Variants in RPS6KA2 observed in about 807,000 individuals in gnomAD.
RPS6KA2 encodes ribosomal protein S6 kinase alpha-2.
In RPS6KA2, 42 loss-of-function variants were observed where a neutral mutation model predicts 91.8. That is an observed-to-expected ratio of 0.46 (90% CI 0.36 to 0.59). The LOEUF (loss-of-function observed/expected upper bound fraction) is 0.59. Among genes scored for constraint, RPS6KA2 ranks in the 20% least tolerant of loss-of-function variants. RPS6KA2 has a pLI of 0.00. For synonymous variants in RPS6KA2, 414 were observed against 393.6 expected (o/e 1.05, Z -0.61); for missense variants, 798 against 978.5 (o/e 0.82, Z 2.46).
At chr6:166,413,687 GCT>G in intron 20 of RPS6KA2, 105 bp downstream of exon 20, 3 of 1,212,816 alleles carry the variant, frequency 2.5e-6, no homozygotes, top group Non-Finnish European at 3.5e-6. Flanking sequence ...GCTGCTATGG[GCT>G]CTTTCTCTGC....
intron 10 of RPS6KA2, among the ~76,000 whole-genome samples, chr6:166,483,076 G>A (rs536498298): frequency 6.6e-6 from 1 of 152,350 alleles, no homozygotes; most frequent in African/African-American, 2.4e-5. Context: ...CTCACAGCCT[G>A]AAGACTGCGG....
intron 1 of RPS6KA2, among the ~76,000 whole-genome samples, chr6:166,574,500 T>G (rs1295211174): frequency 2.0e-5 from 3 of 152,250 alleles, no homozygotes; most frequent in Non-Finnish European, 4.4e-5. Flanking sequence ...TCATTCTTTT[T>G]ATGGCTGTGT....
chr6:166,460,326 G>A (rs537315344), intron 11 of RPS6KA2, among the ~76,000 whole-genome samples: 1 of 152,358 alleles, frequency 6.6e-6, no homozygotes, highest in Admixed American at 6.5e-5. Context: ...GAGATGTGTT[G>A]TTTTCAATCC....
At chr6:166,579,457 G>A (rs1201358374) in intron 1 of RPS6KA2, among the ~76,000 whole-genome samples, 1 of 152,216 alleles carries the variant, frequency 6.6e-6, no homozygotes, top group East Asian at 1.9e-4. Flanking sequence ...TTCGGTGGTG[G>A]CAATTCTACT....
At chr6:166,460,449 A>C (rs1780237079) in intron 11 of RPS6KA2, among the ~76,000 whole-genome samples, 1 of 151,968 alleles carries the variant, frequency 6.6e-6, no homozygotes, top group Non-Finnish European at 1.5e-5. Context: ...GCTTAGATGG[A>C]GGGAGCCGGG....
chr6:166,555,065 G>A (rs1252311759), intron 1 of RPS6KA2, among the ~76,000 whole-genome samples: 3 of 152,198 alleles, frequency 2.0e-5, no homozygotes, highest in Non-Finnish European at 4.4e-5. Flanking sequence ...CACTGCAATA[G>A]CTTGAACCAG....
At position 166,531,210 on chromosome 6, in the gene RPS6KA2, C is replaced by A. The variant is rs1011593046; in HGVS notation, c.298+22G>T. 5.8e-6 allele frequency: 9 copies of A among 1,560,038 alleles called. No individual in the cohort carries two copies. The African/African-American group carries it at 1.1e-4, about 19-fold the overall frequency. On this transcript the variant is annotated intron_variant, in intron 3 of 20. Coordinates refer to ENST00000265678, the MANE Select transcript of RPS6KA2 (RefSeq NM_021135.6). ...TTGCAGTTACCTGTCTCTGAAGCAG[C>A]CGGCCCTTCCGAAGCTCTTACCTTT...
At position 166,498,658 on chromosome 6, in the gene RPS6KA2, C is replaced by T; in HGVS notation, c.605-8G>A. 1 of 1,613,586 alleles carries T rather than the reference C, an allele frequency of 6.2e-7. No individual in the cohort carries two copies. The highest frequency in any genetic ancestry group is 1.1e-5 in the South Asian group (1 of 91,020). On this transcript the variant is annotated splice_region_variant and splice_polypyrimidine_tract_variant and intron_variant, in intron 7 of 20. Coordinates refer to ENST00000265678, the MANE Select transcript of RPS6KA2 (RefSeq NM_021135.6). The stretch of plus-strand genomic sequence containing the variant: ...CCTTACTCAGGCCGAAATCTACATG[C>T]AAACACAGCACACACACTGCCTCAG...
At chr6:166,552,861 T>C (rs1199625501) in intron 1 of RPS6KA2, among the ~76,000 whole-genome samples, 1 of 152,228 alleles carries the variant, frequency 6.6e-6, no homozygotes, top group East Asian at 1.9e-4. Flanking sequence ...GATGGGCCGA[T>C]AACCACGCTG....
chr6:166,823,826 T>A (rs939905333), intron 2 of RPS6KA2, among the ~76,000 whole-genome samples: 2 of 152,194 alleles, frequency 1.3e-5, no homozygotes, highest in African/African-American at 4.8e-5. Context: ...TTTATCCCCA[T>A]TCAACTGGCA....
intron 10 of RPS6KA2, among the ~76,000 whole-genome samples, chr6:166,482,909 T>G (rs1781283211): frequency 6.6e-6 from 1 of 152,086 alleles, no homozygotes; most frequent in Non-Finnish European, 1.5e-5. Flanking sequence ...ATAAAGCAAA[T>G]GTGGGGGATC....
intron 6 of RPS6KA2, among the ~76,000 whole-genome samples, chr6:166,502,002 G>A (rs1227210189): frequency 6.6e-6 from 1 of 152,220 alleles, no homozygotes; most frequent in Non-Finnish European, 1.5e-5. Flanking sequence ...AATATAAAAT[G>A]TATGGTCCCT....
At chr6:166,544,287 A>T (rs1433249708) in intron 1 of RPS6KA2, among the ~76,000 whole-genome samples, 1 of 152,190 alleles carries the variant, frequency 6.6e-6, no homozygotes, top group African/African-American at 2.4e-5. Flanking sequence ...AGATTCACTA[A>T]ATGGCTTTTT....
intron 3 of RPS6KA2, among the ~76,000 whole-genome samples, chr6:166,527,012 T>C (rs1282334747): frequency 6.6e-6 from 1 of 152,250 alleles, no homozygotes; most frequent in Non-Finnish European, 1.5e-5. Flanking sequence ...TCAAGGACAC[T>C]GTGGACTGGA....
intron 2 of RPS6KA2, chr6:166,701,170 T>C: frequency 6.2e-7 from 1 of 1,612,116 alleles, no homozygotes; most frequent in Non-Finnish European, 8.5e-7. Flanking sequence ...AGTCAGAATT[T>C]CCTGAATTTT....
intron 2 of RPS6KA2, among the ~76,000 whole-genome samples, chr6:166,641,666 G>C (rs370574528): frequency 7.8e-6 from 1 of 128,832 alleles, no homozygotes; most frequent in Non-Finnish European, 1.6e-5. Flanking sequence ...GGTGCAGTGA[G>C]CCGAGATCAC....
chr6:166,620,750 T>G (rs1786595623), intron 1 of RPS6KA2, among the ~76,000 whole-genome samples: 2 of 152,260 alleles, frequency 1.3e-5, no homozygotes, highest in Admixed American at 1.3e-4. Context: ...AAGGCACATT[T>G]CACTGATGAA....
chr6:166,731,032 C>A (rs1437497520), intron 2 of RPS6KA2, among the ~76,000 whole-genome samples: 2 of 152,190 alleles, frequency 1.3e-5, no homozygotes, highest in Non-Finnish European at 2.9e-5. Context: ...CACCTGAGGT[C>A]GGGCGTTTGA....
chr6:166,435,475 T>A lies in RPS6KA2; in HGVS notation c.1333-2985A>T, dbSNP rs1220217641. ...ATATTAGTTACGCCTTTCAAAATCA[T>A]GTAATTGCTTGGTGGAACCCCCAAA... On this transcript the variant is annotated intron_variant, in intron 14 of 20. Coordinates refer to ENST00000265678, the MANE Select transcript of RPS6KA2 (RefSeq NM_021135.6). The surrounding 1 kb of genome is among the most constrained non-coding windows in gnomAD (Gnocchi z 4.3). Among the ~76,000 whole-genome samples the A allele has an allele frequency of 1.3e-5, 2 of 152,222 alleles. No individual in the cohort carries two copies. Among genetic ancestry groups the A allele is most frequent in the Non-Finnish European group, 2.9e-5 (2 of 68,040 alleles).
Sources: gnomAD v4.1 joint callset for allele counts (sites outside exome capture counted in the v4.1 genomes callset) on GRCh38, gnomAD v4.1.1 for gene constraint, Gnocchi (gnomAD v3.1) non-coding constraint, MANE v1.5 for transcripts, NCBI Gene and HGNC (gene_info 2026-07-23, HGNC 2026-07-21) for gene names.